MINDY2: variants seen among roughly 807,000 people sequenced by gnomAD.
MINDY2 encodes ubiquitin carboxyl-terminal hydrolase MINDY-2.
A neutral mutation model predicts 68.2 loss-of-function variants in MINDY2; 52 were observed. The observed-to-expected ratio is 0.76, with a 90% confidence interval of 0.61 to 0.96. The LOEUF (loss-of-function observed/expected upper bound fraction) is 0.96. Ranked by LOEUF, MINDY2 falls within the 40% of genes least tolerant of loss-of-function variation. The pLI, the probability that MINDY2 is intolerant of heterozygous loss-of-function variation, is 0.00. For missense variants in MINDY2, 881 were observed against 773.4 expected (o/e 1.14, Z -1.65); for synonymous variants, 372 against 303.0 (o/e 1.23, Z -2.36).
intron 3 of MINDY2, among the ~76,000 whole-genome samples, chr15:58,804,299 T>G (rs1050423667): frequency 3.3e-5 from 5 of 152,160 alleles, no homozygotes; most frequent in Non-Finnish European, 7.3e-5. Context: ...ATAAAACCAG[T>G]ACATGATAAG....
At chr15:58,846,850 A>G (rs1419776247) in intron 6 of MINDY2, among the ~76,000 whole-genome samples, 1 of 152,170 alleles carries the variant, frequency 6.6e-6, no homozygotes, top group Non-Finnish European at 1.5e-5. Context: ...GGTGTATAAA[A>G]GAAGAGCAAC....
intron 4 of MINDY2, among the ~76,000 whole-genome samples, chr15:58,813,297 C>T (rs1234352586): frequency 4.6e-5 from 7 of 152,186 alleles, no homozygotes; most frequent in African/African-American, 1.7e-4. Flanking sequence ...GAGTTCGAGA[C>T]CAGCCTGGCC....
At chr15:58,795,166 A>C (rs1902199939) in intron 2 of MINDY2, among the ~76,000 whole-genome samples, 1 of 149,366 alleles carries the variant, frequency 6.7e-6, no homozygotes, top group Admixed American at 6.7e-5. Context: ...CCAGAGCGAG[A>C]CTCGTCTCCA....
At chr15:58,778,810 C>CTTTTTTT (rs1182523003) in intron 1 of MINDY2, among the ~76,000 whole-genome samples, 79 of 114,290 alleles carry the variant, frequency 6.9e-4, no homozygotes, top group Admixed American at 8.8e-4. Flanking sequence ...TTCTTTTTTT[C>CTTTTTTT]TTTTTTTTTT....
chr15:58,775,168 G>A (rs1288314671), intron 1 of MINDY2, among the ~76,000 whole-genome samples: 2 of 152,086 alleles, frequency 1.3e-5, no homozygotes, highest in African/African-American at 4.8e-5. Flanking sequence ...TAATGACATC[G>A]CTCTGTCAGT....
rs57998049 is a variant in MINDY2 at position 58,791,215 on chromosome 15, T to TTATATATATATATATATA, written c.898+3276_898+3293dup. On this transcript the variant is annotated intron_variant, in intron 2 of 8. Coordinates refer to ENST00000559228, the MANE Select transcript of MINDY2 (RefSeq NM_001040450.3). Reference sequence around the variant, plus strand: ...AAAGGGAGCCATCAGGAAAGCAATTTTATATATATATATATATATATATAT... The same window carrying TTATATATATATATATATA: ...AAAGGGAGCCATCAGGAAAGCAATTTTATATATATATATATATATATATATATATATATATATATATAT... Among the ~76,000 whole-genome samples the TTATATATATATATATATA allele has an allele frequency of 6.6e-3, 522 of 79,230 alleles. 12 individuals carry two copies. The highest frequency in any genetic ancestry group is 0.01 in the Non-Finnish European group (318 of 31,368). 52.0% of individuals were successfully genotyped at this position (79,230 alleles called of 152,430 possible).
In MINDY2 at chr15:58,794,361, GTGTGTGTGT is replaced by G. The variant is rs1567045743; in HGVS notation, c.898+6399_898+6407del. ...GTAGAATAAAAGTTTTTTTTGGGGT[GTGTGTGTGT>G]GTGTGTGTGTGTGTGTGTGTGTGTG... On this transcript the variant is annotated intron_variant, in intron 2 of 8. Transcript: ENST00000559228. Among the ~76,000 whole-genome samples, 53 of 118,070 alleles carry G rather than the reference GTGTGTGTGT, an allele frequency of 4.5e-4. 1 individual carries two copies. The highest frequency in any genetic ancestry group is 2.0e-3 in the African/African-American group (52 of 26,426). The allele number at this position is 118,070 out of a possible 152,430, so 77.5% of individuals were successfully genotyped here. A position where few individuals can be genotyped will look rare whatever the true frequency, so the allele number is the denominator to read the frequency against.
intron 4 of MINDY2, 133 bp downstream of exon 4, chr15:58,810,521 G>T: frequency 1.2e-6 from 1 of 821,126 alleles, no homozygotes; most frequent in Non-Finnish European, 1.8e-6. Context: ...AAACTATGAG[G>T]TTAAGAACAG....
rs1166866535 is a variant in MINDY2, at chr15:58,860,156, G to C, written c.*5546G>C. On this transcript the variant is annotated 3_prime_UTR_variant, in exon 9 of 9. Coordinates refer to ENST00000559228, the MANE Select transcript of MINDY2 (RefSeq NM_001040450.3). ...TTAATATCCAGTTTTAATCTGCACTGTAATATCCTGCTTTGAGAAGAAAGA... is the reference window on the plus strand; with the variant it reads ...TTAATATCCAGTTTTAATCTGCACTCTAATATCCTGCTTTGAGAAGAAAGA... 1 of 152,190 alleles carries C rather than the reference G, an allele frequency of 6.6e-6. No individual in the cohort carries two copies. The highest frequency in any genetic ancestry group is 2.4e-5 in the African/African-American group (1 of 41,428). 9.4% of individuals were successfully genotyped at this position (152,190 alleles called of 1,614,324 possible). A position where few individuals can be genotyped will look rare whatever the true frequency, so the allele number is the denominator to read the frequency against.
chr15:58,793,277 C>T (rs1194523424), intron 2 of MINDY2, among the ~76,000 whole-genome samples: 3 of 151,832 alleles, frequency 2.0e-5, no homozygotes, highest in African/African-American at 7.3e-5. Flanking sequence ...ATGGCAAAAC[C>T]CCGTCTCTAC....
At chr15:58,810,866 T>A (rs2030194283) in intron 4 of MINDY2, among the ~76,000 whole-genome samples, 1 of 152,236 alleles carries the variant, frequency 6.6e-6, no homozygotes, top group Admixed American at 6.5e-5. Flanking sequence ...CATACCCTCC[T>A]GGAACTGATG....
chr15:58,782,293 AC>A (rs1901197144), intron 1 of MINDY2, among the ~76,000 whole-genome samples: 1 of 152,186 alleles, frequency 6.6e-6, no homozygotes, highest in Non-Finnish European at 1.5e-5. Flanking sequence ...GTGTATATAC[AC>A]TGCATATTTC....
At position 58,854,758 on chromosome 15, in the gene MINDY2, C is replaced by A. The variant is rs1025555958; in HGVS notation, c.*148C>A. ...CAGGGGAACGGTTGTTACTTAGTTA[C>A]AATCAGACTTTTTCAAGTCACACAA... is the stretch of plus-strand genomic sequence containing the variant. On this transcript the variant is annotated 3_prime_UTR_variant, in exon 9 of 9. Coordinates refer to ENST00000559228, the MANE Select transcript of MINDY2 (RefSeq NM_001040450.3). The A allele has an allele frequency of 9.5e-6, 8 of 845,038 alleles. No individual in the cohort carries two copies. The highest frequency in any genetic ancestry group is 1.2e-5 in the Non-Finnish European group (7 of 574,514). 52.3% of individuals were successfully genotyped at this position (845,038 alleles called of 1,614,324 possible). A position where few individuals can be genotyped will look rare whatever the true frequency, so the allele number is the denominator to read the frequency against.
At chr15:58,805,967 G>A (rs1262294130) in intron 3 of MINDY2, among the ~76,000 whole-genome samples, 1 of 152,150 alleles carries the variant, frequency 6.6e-6, no homozygotes, top group Non-Finnish European at 1.5e-5. Flanking sequence ...CCAGCTACTC[G>A]AGAGGCTGAG....
rs934577998 is a variant in MINDY2 at position 58,858,748 on chromosome 15, G to T, written c.*4138G>T. The T allele has an allele frequency of 5.3e-5, 8 of 152,082 alleles. No homozygotes were observed. The highest frequency in any genetic ancestry group is 4.6e-4 in the Admixed American group (7 of 15,264). The allele number at this position is 152,082 out of a possible 1,614,324, so 9.4% of individuals were successfully genotyped here. A position where few individuals can be genotyped will look rare whatever the true frequency, so the allele number is the denominator to read the frequency against. On this transcript the variant is annotated 3_prime_UTR_variant, in exon 9 of 9. Transcript: ENST00000559228. The stretch of plus-strand genomic sequence containing the variant: ...GCATTACCTATCACACAGTACTTAT[G>T]CATAAACTTATAATAGTAAAATTAC...
intron 4 of MINDY2, among the ~76,000 whole-genome samples, chr15:58,818,179 C>G (rs1351511568): frequency 6.6e-6 from 1 of 152,112 alleles, no homozygotes; most frequent in Non-Finnish European, 1.5e-5. Flanking sequence ...CCATTTTGCT[C>G]ACTGTTGTGT....
intron 1 of MINDY2, among the ~76,000 whole-genome samples, chr15:58,776,848 C>T (rs577394339): frequency 7.7e-4 from 116 of 151,530 alleles, no homozygotes; most frequent in African/African-American, 2.5e-3. Context: ...ATAGTGAGAC[C>T]CCCATCTCTG....
At chr15:58,772,260 C>G in intron 1 of MINDY2, 25 bp downstream of exon 1, 1 of 1,604,794 alleles carries the variant, frequency 6.2e-7, no homozygotes, top group Non-Finnish European at 8.5e-7. Context: ...TTTCTACTTC[C>G]TACAGCTTTT....
chr15:58,806,173 A>G (rs1421151564), intron 3 of MINDY2, among the ~76,000 whole-genome samples: 1 of 152,134 alleles, frequency 6.6e-6, no homozygotes, highest in African/African-American at 2.4e-5. Context: ...TTTCAGGTTC[A>G]AGAGATTCTC....
Sources: allele counts gnomAD v4.1 joint callset (sites outside exome capture counted in the v4.1 genomes callset), GRCh38; gene constraint gnomAD v4.1.1; transcripts MANE v1.5; gene names NCBI Gene and HGNC (gene_info 2026-07-23, HGNC 2026-07-21).